PTK2: variants seen among roughly 807,000 people sequenced by gnomAD.
PTK2 encodes the protein protein tyrosine kinase 2.
In PTK2, 45 loss-of-function variants were observed where a neutral mutation model predicts 150.1. That is an observed-to-expected ratio of 0.30 (90% confidence interval 0.24 to 0.38). The LOEUF (loss-of-function observed/expected upper bound fraction) is 0.38, where lower values mean the gene tolerates loss of function less well. Among genes scored for constraint, PTK2 ranks in the 10% least tolerant of loss-of-function variants. PTK2 has a pLI of 1.00. For synonymous variants in PTK2, 432 were observed against 449.2 expected (o/e 0.96, Z 0.48); for missense variants, 919 against 1,307.3 (o/e 0.70, Z 4.58).
intron 1 of PTK2, among the ~76,000 whole-genome samples, chr8:140,994,906 G>T (rs985237529): frequency 6.6e-6 from 1 of 152,050 alleles, no homozygotes; most frequent in Non-Finnish European, 1.5e-5. Context: ...CCAACATGGA[G>T]AAACCCCATC....
chr8:140,904,383 G>A (rs528252307), intron 2 of PTK2, among the ~76,000 whole-genome samples: 3 of 152,270 alleles, frequency 2.0e-5, no homozygotes, highest in Non-Finnish European at 4.4e-5. Context: ...TTCATGTGCT[G>A]CTGGATTGGG....
At chr8:140,815,552 CCT>C (rs1287895868) in intron 10 of PTK2, among the ~76,000 whole-genome samples, 46 of 151,904 alleles carry the variant, frequency 3.0e-4, no homozygotes, top group East Asian at 1.4e-3. Flanking sequence ...CCCATGTACC[CCT>C]GAGCTTAAAA....
intron 14 of PTK2, among the ~76,000 whole-genome samples, chr8:140,773,534 A>T (rs1376746786): frequency 6.6e-6 from 1 of 152,190 alleles, no homozygotes; most frequent in Non-Finnish European, 1.5e-5. Context: ...GGCCATGCAC[A>T]CATCAGGGGA....
intron 16 of PTK2, among the ~76,000 whole-genome samples, chr8:140,759,322 A>G (rs1399659125): frequency 6.6e-6 from 1 of 152,008 alleles, no homozygotes; most frequent in African/African-American, 2.4e-5. Context: ...CAGTTCATCA[A>G]AAAGTTAAAC....
chr8:140,787,380 G>A (rs2100085582), intron 14 of PTK2, among the ~76,000 whole-genome samples: 1 of 152,184 alleles, frequency 6.6e-6, no homozygotes, highest in African/African-American at 2.4e-5. Context: ...GACTAAATGA[G>A]ATGATACATG....
chr8:140,871,996 C>A (rs1382056319), intron 4 of PTK2, among the ~76,000 whole-genome samples: 2 of 152,186 alleles, frequency 1.3e-5, no homozygotes, highest in East Asian at 1.9e-4. Flanking sequence ...ATCATGAGGT[C>A]AGGAGATCAA....
exon 5 of PTK2, chr8:140,864,357 G>A: frequency 6.2e-7 from 1 of 1,600,432 alleles, no homozygotes; most frequent in Non-Finnish European, 8.5e-7. Flanking sequence ...CAGTAAACTG[G>A]TTTAGAAATC....
At chr8:140,737,634 G>A (rs978642464) in intron 21 of PTK2, among the ~76,000 whole-genome samples, 5 of 152,216 alleles carry the variant, frequency 3.3e-5, no homozygotes, top group African/African-American at 1.2e-4. Flanking sequence ...AGACATTACA[G>A]TAACAACAAT....
At chr8:141,000,206 C>T (rs2100199543) in intron 1 of PTK2, among the ~76,000 whole-genome samples, 1 of 152,076 alleles carries the variant, frequency 6.6e-6, no homozygotes, top group African/African-American at 2.4e-5. Flanking sequence ...GCCTAAGCCA[C>T]CGCGGCAGAG....
At chr8:140,760,981 A>T (rs1385719828) in intron 16 of PTK2, among the ~76,000 whole-genome samples, 184 bp downstream of exon 19, 1 of 152,210 alleles carries the variant, frequency 6.6e-6, no homozygotes, top group African/African-American at 2.4e-5. Context: ...TGTAGGAGCT[A>T]ATGTTGCCAT....
chr8:140,680,330 C>A (rs887472159), intron 27 of PTK2, among the ~76,000 whole-genome samples: 23 of 152,082 alleles, frequency 1.5e-4, no homozygotes, highest in African/African-American at 5.1e-4. Context: ...CAGGTTCAAG[C>A]GATTCTCCTG....
intron 22 of PTK2, among the ~76,000 whole-genome samples, chr8:140,719,036 T>G (rs2100041326): frequency 6.6e-6 from 1 of 151,838 alleles, no homozygotes; most frequent in Non-Finnish European, 1.5e-5. Context: ...ATTAGCCCGG[T>G]GTGGTGGCGC....
chr8:140,664,977 C>T, exon 31 of PTK2: 1 of 1,613,938 alleles, frequency 6.2e-7, no homozygotes, highest in Non-Finnish European at 8.5e-7. Flanking sequence ...CCAATAATGT[C>T]CTCAGGGCCA....
At chr8:140,910,056 TG>T (rs1244288114) in intron 2 of PTK2, among the ~76,000 whole-genome samples, 2 of 152,204 alleles carry the variant, frequency 1.3e-5, no homozygotes, top group African/African-American at 4.8e-5. Context: ...AACTCCATTA[TG>T]AAGTTACATA....
At chr8:140,747,071 T>C in intron 17 of PTK2, 1 of 441,212 alleles carries the variant, frequency 2.3e-6, no homozygotes, top group Non-Finnish European at 4.1e-6. Context: ...TTTGTATTTT[T>C]AGTAGAGATG....
In PTK2 at chr8:140,989,527, A is replaced by AT. The variant is rs573642703; in HGVS notation, c.-122+11597dup. Reference sequence around the variant, plus strand: ...ATATACAGAAGCTACAAATTAATGAATTTAAAAAAAAAAAAAGAAGACCTA... The same window carrying AT: ...ATATACAGAAGCTACAAATTAATGAATTTTAAAAAAAAAAAAAGAAGACCTA... On this transcript the variant is annotated intron_variant, in intron 1 of 31. Coordinates refer to ENST00000522684, the Ensembl canonical transcript of PTK2. 4.2e-3 allele frequency among the ~76,000 whole-genome samples: 639 copies of AT among 151,454 alleles called. 4 individuals carry two copies. Among genetic ancestry groups the AT allele is most frequent in the African/African-American group, 0.015 (609 of 41,108 alleles).
At chr8:140,909,126 T>C (rs983996593) in intron 2 of PTK2, 6 of 153,948 alleles carry the variant, frequency 3.9e-5, no homozygotes, top group Middle Eastern at 5.3e-4. Context: ...TGAGTCGAGA[T>C]TGGGCCACTG....
At chr8:140,845,601 A>C (rs979738419) in intron 7 of PTK2, among the ~76,000 whole-genome samples, 12 of 152,146 alleles carry the variant, frequency 7.9e-5, no homozygotes, top group African/African-American at 2.9e-4. Flanking sequence ...TTATGTTATA[A>C]TTTTGCTTAC....
chr8:140,930,796 A>G (rs2100171408), intron 1 of PTK2, among the ~76,000 whole-genome samples: 1 of 152,216 alleles, frequency 6.6e-6, no homozygotes, highest in Non-Finnish European at 1.5e-5. Flanking sequence ...AATACAGGCC[A>G]GGAGCAGTGA....
Sources: allele counts gnomAD v4.1 joint callset (sites outside exome capture counted in the v4.1 genomes callset), GRCh38; gene constraint gnomAD v4.1.1; transcripts MANE v1.5; gene names NCBI Gene and HGNC (gene_info 2026-07-23, HGNC 2026-07-21).